Variants in CPED1 observed in about 807,000 individuals in gnomAD.
The protein encoded by CPED1 is cadherin like and PC-esterase domain containing 1.
Under a neutral mutation model 128.2 loss-of-function variants are expected in CPED1, and 114 were observed. That is an observed-to-expected ratio of 0.89 (90% CI 0.76 to 1.04). CPED1 has a LOEUF of 1.04. CPED1 is among the 50% of genes least tolerant of loss of function. CPED1 has a pLI of 0.00. For missense variants in CPED1, 1,211 were observed against 1,207.1 expected, an observed-to-expected ratio of 1.00 and a Z score of -0.05; for synonymous variants, 462 against 426.7, an observed-to-expected ratio of 1.08 and a Z score of -1.02.
At chr7:121,104,493 T>C (rs1794923922) in intron 7 of CPED1, among the ~76,000 whole-genome samples, 1 of 152,210 alleles carries the variant, frequency 6.6e-6, no homozygotes, top group Admixed American at 6.6e-5. Context: ...CTGTAACTTT[T>C]TATGATGTCT....
At chr7:121,034,244 T>C (rs1404110771) in intron 3 of CPED1, among the ~76,000 whole-genome samples, 2 of 91,288 alleles carry the variant, frequency 2.2e-5, no homozygotes, top group African/African-American at 4.0e-5. Context: ...CAAGTTTTTT[T>C]TTCTTTTTTT....
chr7:121,160,709 C>T (rs1796393042), intron 16 of CPED1, among the ~76,000 whole-genome samples: 1 of 152,104 alleles, frequency 6.6e-6, no homozygotes, highest in Admixed American at 6.6e-5. Context: ...CTCAGGAATT[C>T]GAGGTAGAGC....
At chr7:121,062,523 T>C (rs2116044156) in intron 4 of CPED1, among the ~76,000 whole-genome samples, 1 of 152,308 alleles carries the variant, frequency 6.6e-6, no homozygotes, top group East Asian at 1.9e-4. Flanking sequence ...GAATTCAGGG[T>C]TTATGAAAGC....
At chr7:121,005,112 T>C (rs1417185882) in intron 2 of CPED1, among the ~76,000 whole-genome samples, 1 of 152,180 alleles carries the variant, frequency 6.6e-6, no homozygotes, top group Admixed American at 6.6e-5. Flanking sequence ...TATGAAACAA[T>C]ATGATTAAAT....
At chr7:121,106,176 C>T (rs746889841) in intron 7 of CPED1, among the ~76,000 whole-genome samples, 15 of 152,028 alleles carry the variant, frequency 9.9e-5, no homozygotes, top group Non-Finnish European at 1.9e-4. Context: ...AGAGCAGGTT[C>T]TACAACAGAA....
rs749711119 is a variant in CPED1 at position 120,989,824 on chromosome 7, A to G, written c.203A>G (p.Asp68Gly). Residue 68 changes from aspartate to glycine, a missense_variant, in exon 2 of 23, where the codon GAC becomes GGC. Coordinates refer to ENST00000310396, the MANE Select transcript of CPED1 (RefSeq NM_024913.5). ...ASRCKKGFSQDKQCFLLSGNA... is the reference protein window; with the variant it reads ...ASRCKKGFSQGKQCFLLSGNA... ...AGATGCAAGAAAGGATTCTCTCAGG[A>G]CAAACAGTGCTTCCTTCTCTCTGGT... 2 of 1,614,136 alleles carry G rather than the reference A, an allele frequency of 1.2e-6. No homozygotes were observed. The highest frequency in any genetic ancestry group is 2.2e-5 in the South Asian group (2 of 91,074).
intron 4 of CPED1, among the ~76,000 whole-genome samples, chr7:121,055,502 C>T (rs1793472044): frequency 6.6e-6 from 1 of 151,658 alleles, no homozygotes; most frequent in Non-Finnish European, 1.5e-5. Flanking sequence ...TAGTTAATCA[C>T]ACTAAATGTG....
chr7:121,205,562 A>T (rs1406900652), intron 16 of CPED1, among the ~76,000 whole-genome samples: 1 of 151,950 alleles, frequency 6.6e-6, no homozygotes, highest in Non-Finnish European at 1.5e-5. Flanking sequence ...AGCTTCAATT[A>T]AGACAGATAA....
At chr7:121,228,670 G>A (rs886596551) in intron 16 of CPED1, among the ~76,000 whole-genome samples, 4 of 151,138 alleles carry the variant, frequency 2.6e-5, no homozygotes, top group African/African-American at 4.9e-5. Context: ...AAAAACATCC[G>A]TTTATCAAAG....
chr7:121,011,151 A>T (rs567931908), intron 2 of CPED1, among the ~76,000 whole-genome samples: 18 of 152,138 alleles, frequency 1.2e-4, no homozygotes, highest in African/African-American at 3.9e-4. Flanking sequence ...GAACATCAAA[A>T]GATGTCATAA....
chr7:121,218,960 T>C (rs978246193), intron 16 of CPED1, among the ~76,000 whole-genome samples: 11 of 152,078 alleles, frequency 7.2e-5, no homozygotes, highest in Admixed American at 5.2e-4. Flanking sequence ...GTTTGTTCCT[T>C]TGGAATATGA....
At chr7:121,017,385 T>C (rs1792329203) in intron 3 of CPED1, among the ~76,000 whole-genome samples, 1 of 152,198 alleles carries the variant, frequency 6.6e-6, no homozygotes, top group South Asian at 2.1e-4. Flanking sequence ...TCTAGAGTCC[T>C]GGGATACCCA....
At chr7:121,036,658 A>G (rs1792901803) in intron 3 of CPED1, among the ~76,000 whole-genome samples, 1 of 152,132 alleles carries the variant, frequency 6.6e-6, no homozygotes, top group Non-Finnish European at 1.5e-5. Context: ...GATACCTAGT[A>G]GTGGGATGGC....
intron 16 of CPED1, among the ~76,000 whole-genome samples, chr7:121,170,741 TTCTA>T (rs1466080694): frequency 6.6e-6 from 1 of 152,116 alleles, no homozygotes; most frequent in Non-Finnish European, 1.5e-5. Flanking sequence ...AGAAATGAGT[TTCTA>T]TCCTTTATTA....
intron 3 of CPED1, among the ~76,000 whole-genome samples, chr7:121,021,623 G>A (rs947906984): frequency 6.6e-6 from 1 of 151,968 alleles, no homozygotes; most frequent in Non-Finnish European, 1.5e-5. Context: ...AAATTAAAAA[G>A]TATAAGCATT....
chr7:121,225,043 T>G (rs1803748051), intron 16 of CPED1, among the ~76,000 whole-genome samples: 1 of 152,160 alleles, frequency 6.6e-6, no homozygotes. Flanking sequence ...TTTTGCCTGT[T>G]AATTGATGCA....
In CPED1 at chr7:121,126,982, A is replaced by G; in HGVS notation, c.1135-108A>G. ...ACTTCCAAAAAGACCACTAGATGTC[A>G]GTTCTGATCTATAATCCAACAGGAA... On this transcript the variant is annotated intron_variant, in intron 9 of 22. Transcript: ENST00000310396. The G allele has an allele frequency of 2.6e-6, 2 of 775,416 alleles. 1 individual carries two copies. The highest frequency in any genetic ancestry group is 4.7e-5 in the South Asian group (2 of 42,916). 48.0% of individuals were successfully genotyped at this position (775,416 alleles called of 1,614,324 possible).
At chr7:121,212,990 C>A (rs768172090) in intron 16 of CPED1, among the ~76,000 whole-genome samples, 2 of 151,786 alleles carry the variant, frequency 1.3e-5, no homozygotes, top group East Asian at 1.9e-4. Flanking sequence ...GGAGGGGATG[C>A]ATTTGGCCTG....
At chr7:121,107,055 G>C (rs952677089) in intron 7 of CPED1, among the ~76,000 whole-genome samples, 2 of 152,060 alleles carry the variant, frequency 1.3e-5, no homozygotes, top group South Asian at 4.2e-4. Context: ...CAGCTAAGCC[G>C]TAGAGATGTT....
Sources: allele counts gnomAD v4.1 joint callset (sites outside exome capture counted in the v4.1 genomes callset), GRCh38; gene constraint gnomAD v4.1.1; transcripts MANE v1.5; gene names NCBI Gene and HGNC (gene_info 2026-07-23, HGNC 2026-07-21).